MRPL1: variants seen among roughly 807,000 people sequenced by gnomAD.
MRPL1 encodes the protein large ribosomal subunit protein uL1m.
In MRPL1, 28 loss-of-function variants were observed where a neutral mutation model predicts 38.0. The ratio of observed to expected loss-of-function variants is 0.74; its 90% CI spans 0.55 to 1.01. The LOEUF is 1.01. Among genes scored for constraint, MRPL1 ranks in the 50% least tolerant of loss-of-function variants. MRPL1 has a pLI of 0.00. For missense variants in MRPL1, 358 were observed against 389.8 expected, an observed-to-expected ratio of 0.92 and a Z score of 0.69; for synonymous variants, 123 against 126.7, an observed-to-expected ratio of 0.97 and a Z score of 0.20.
At chr4:77,904,084 TAA>T (rs61029767) in intron 6 of MRPL1, among the ~76,000 whole-genome samples, 65 of 147,996 alleles carry the variant, frequency 4.4e-4, no homozygotes, top group East Asian at 1.6e-3. Context: ...AATCTCTACT[TAA>T]AAAAAAAAAA....
chr4:77,949,983 G>T, intron 8 of MRPL1, 105 bp downstream of exon 8: 1 of 536,630 alleles, frequency 1.9e-6, no homozygotes, highest in Non-Finnish European at 3.3e-6. Context: ...ATAGCAAAAT[G>T]TAAAATATTA....
intron 6 of MRPL1, among the ~76,000 whole-genome samples, chr4:77,899,195 C>T (rs759350890): frequency 5.0e-5 from 7 of 138,928 alleles, no homozygotes; most frequent in Admixed American, 7.3e-5. Context: ...TCAGTAGAGA[C>T]GGGGTTTTGC....
intron 2 of MRPL1, among the ~76,000 whole-genome samples, chr4:77,877,428 T>C (rs1457515775): frequency 6.8e-6 from 1 of 147,014 alleles, no homozygotes; most frequent in East Asian, 2.1e-4. Flanking sequence ...GGGGCTGGGT[T>C]GCTGGAGGGT....
chr4:77,939,098 C>T (rs1202062776), intron 7 of MRPL1, among the ~76,000 whole-genome samples: 2 of 152,128 alleles, frequency 1.3e-5, no homozygotes, highest in Admixed American at 1.3e-4. Context: ...TCCCCAAAGT[C>T]CACTATATCA....
intron 7 of MRPL1, among the ~76,000 whole-genome samples, chr4:77,936,980 C>T (rs1255594596): frequency 6.6e-6 from 1 of 152,038 alleles, no homozygotes; most frequent in Non-Finnish European, 1.5e-5. Flanking sequence ...TAAAAATTAG[C>T]CCAGCGTGGT....
intron 6 of MRPL1, among the ~76,000 whole-genome samples, chr4:77,895,500 TTA>T (rs1032100559): frequency 2.0e-5 from 3 of 152,130 alleles, no homozygotes; most frequent in African/African-American, 7.2e-5. Context: ...ACAGTTTGTT[TTA>T]GATAGTGCTG....
At chr4:77,891,728 G>T (rs1250686597) in intron 5 of MRPL1, among the ~76,000 whole-genome samples, 1 of 152,228 alleles carries the variant, frequency 6.6e-6, no homozygotes, top group Non-Finnish European at 1.5e-5. Context: ...AATGGTAATA[G>T]AGCAGAAAGT....
At chr4:77,940,282 G>A (rs1318599053) in intron 7 of MRPL1, among the ~76,000 whole-genome samples, 3 of 152,102 alleles carry the variant, frequency 2.0e-5, no homozygotes, top group African/African-American at 7.2e-5. Flanking sequence ...ATACTCCTAA[G>A]TATTTTATTT....
chr4:77,902,711 A>G (rs1736064602), intron 6 of MRPL1, among the ~76,000 whole-genome samples: 1 of 152,176 alleles, frequency 6.6e-6, no homozygotes, highest in East Asian at 1.9e-4. Context: ...AATTTAAATG[A>G]TAATAAGGAA....
chr4:77,921,064 C>T (rs887272896), intron 7 of MRPL1, among the ~76,000 whole-genome samples: 3 of 152,166 alleles, frequency 2.0e-5, no homozygotes, highest in Admixed American at 6.5e-5. Flanking sequence ...CGGCCCCATT[C>T]ATTCCTTGAT....
chr4:77,890,084 T>A (rs1286847962), intron 5 of MRPL1, among the ~76,000 whole-genome samples: 1 of 152,174 alleles, frequency 6.6e-6, no homozygotes, highest in Non-Finnish European at 1.5e-5. Context: ...CTTCTGAAAC[T>A]ATTCCAATCA....
chr4:77,889,058 A>AT (rs1735747596), intron 5 of MRPL1, among the ~76,000 whole-genome samples: 1 of 152,220 alleles, frequency 6.6e-6, no homozygotes, highest in Non-Finnish European at 1.5e-5. Flanking sequence ...CACTGTCAAC[A>AT]TTAGACACAT....
chr4:77,915,850 A>G (rs930355622), intron 7 of MRPL1, among the ~76,000 whole-genome samples: 7 of 152,242 alleles, frequency 4.6e-5, no homozygotes, highest in African/African-American at 1.7e-4. Context: ...CATCATGAAG[A>G]CAAAACAAGT....
intron 8 of MRPL1, 51 bp downstream of exon 8, chr4:77,949,929 A>T: frequency 9.3e-7 from 1 of 1,080,020 alleles, no homozygotes. Flanking sequence ...GAAACTTTAA[A>T]ATGTAAAATA....
rs114451106 is a variant in MRPL1, at chr4:77,928,052, C to T, written c.777+18680C>T. On this transcript the variant is annotated intron_variant, in intron 7 of 8. Coordinates refer to ENST00000315567, the MANE Select transcript of MRPL1 (RefSeq NM_020236.4). The stretch of plus-strand genomic sequence containing the variant: ...GTTTTTCTTCTTTTTAAAGTGTAGA[C>T]ATGGTCCAATTATAGGTGAGTATCA... 1.1e-3 allele frequency among the ~76,000 whole-genome samples: 167 copies of T among 152,280 alleles called. 1 individual carries two copies. Among genetic ancestry groups the T allele is most frequent in the African/African-American group, 3.7e-3 (152 of 41,552 alleles).
intron 2 of MRPL1, among the ~76,000 whole-genome samples, chr4:77,881,994 A>T (rs1362764284): frequency 6.6e-6 from 1 of 152,098 alleles, no homozygotes; most frequent in Non-Finnish European, 1.5e-5. Flanking sequence ...TGTCTTTTCT[A>T]ACCTCATCTT....
At chr4:77,946,157 T>A (rs1737263591) in intron 7 of MRPL1, among the ~76,000 whole-genome samples, 1 of 152,084 alleles carries the variant, frequency 6.6e-6, no homozygotes, top group Non-Finnish European at 1.5e-5. Context: ...CCCCCAGGAA[T>A]GCAATTCTTT....
chr4:77,882,604 T>G (rs925434085), intron 2 of MRPL1, among the ~76,000 whole-genome samples: 9 of 152,228 alleles, frequency 5.9e-5, no homozygotes, highest in Admixed American at 2.0e-4. Flanking sequence ...GACTGGCTTC[T>G]TTCACTTAGC....
intron 6 of MRPL1, among the ~76,000 whole-genome samples, chr4:77,897,097 C>T (rs889394336): frequency 2.6e-5 from 4 of 151,916 alleles, no homozygotes; most frequent in Non-Finnish European, 5.9e-5. Flanking sequence ...GTCAGAGTTT[C>T]CCTCTGTCGC....
Sources: gnomAD v4.1 joint callset for allele counts (sites outside exome capture counted in the v4.1 genomes callset) on GRCh38, gnomAD v4.1.1 for gene constraint, MANE v1.5 for transcripts, NCBI Gene and HGNC (gene_info 2026-07-23, HGNC 2026-07-21) for gene names.